XKR6: variants seen among roughly 807,000 people sequenced by gnomAD.
XKR6 encodes the protein XK related 6.
XKR6 carries 22 observed loss-of-function variants against 56.7 expected under a neutral mutation model. The ratio of observed to expected loss-of-function variants is 0.39; its 90% confidence interval spans 0.28 to 0.55. The LOEUF (loss-of-function observed/expected upper bound fraction) is 0.55, where lower values mean the gene tolerates loss of function less well. XKR6 is among the 20% of genes least tolerant of loss of function. The probability of loss-of-function intolerance (pLI) is 0.66; values close to 1 mark genes in which losing one functional copy is unlikely to be tolerated. For missense variants in XKR6, 852 were observed against 889.0 expected (o/e 0.96, Z 0.53); for synonymous variants, 524 against 387.8 (o/e 1.35, Z -4.13).
chr8:10,977,159 A>G (rs1318142542), intron 1 of XKR6, among the ~76,000 whole-genome samples: 1 of 151,780 alleles, frequency 6.6e-6, no homozygotes, highest in Non-Finnish European at 1.5e-5. Flanking sequence ...CAGCCTCAAG[A>G]CCTCCCCAGG....
intron 1 of XKR6, among the ~76,000 whole-genome samples, chr8:11,146,757 G>C (rs531938473): frequency 1.4e-4 from 22 of 152,118 alleles, no homozygotes; most frequent in African/African-American, 5.3e-4. Context: ...TAAAGAAAGT[G>C]TGGTAAACAC....
intron 2 of XKR6, among the ~76,000 whole-genome samples, chr8:10,916,105 C>G (rs1056937137): frequency 1.6e-4 from 24 of 152,242 alleles, no homozygotes; most frequent in African/African-American, 5.3e-4. Flanking sequence ...AGGAGGGGCT[C>G]TGCTCAATTT....
At chr8:11,044,872 C>G (rs529942449) in intron 1 of XKR6, among the ~76,000 whole-genome samples, 1 of 151,898 alleles carries the variant, frequency 6.6e-6, no homozygotes, top group African/African-American at 2.4e-5. Flanking sequence ...CCCAACTCGG[C>G]CTCCCAAAGT....
At chr8:11,199,517 T>C (rs1804078697) in intron 1 of XKR6, among the ~76,000 whole-genome samples, 1 of 152,320 alleles carries the variant, frequency 6.6e-6, no homozygotes, top group South Asian at 2.1e-4. Flanking sequence ...TTGAAGAGCT[T>C]GTCCCTGTGT....
chr8:11,031,528 A>C (rs1798992922), intron 1 of XKR6, among the ~76,000 whole-genome samples: 1 of 152,208 alleles, frequency 6.6e-6, no homozygotes, highest in African/African-American at 2.4e-5. Context: ...GGCCATGAGA[A>C]TAGAACAGTA....
chr8:11,118,826 T>G (rs1799303511), intron 1 of XKR6, among the ~76,000 whole-genome samples: 1 of 152,232 alleles, frequency 6.6e-6, no homozygotes, highest in Non-Finnish European at 1.5e-5. Flanking sequence ...TGCCCTGATC[T>G]TAGTTATTTC....
intron 1 of XKR6, among the ~76,000 whole-genome samples, chr8:10,962,000 T>A (rs1423622979): frequency 6.6e-6 from 1 of 152,188 alleles, no homozygotes; most frequent in South Asian, 2.1e-4. Flanking sequence ...ATCCCTTTTA[T>A]TTGGGGGAAG....
At chr8:11,150,695 A>C (rs1354503977) in intron 1 of XKR6, among the ~76,000 whole-genome samples, 3 of 151,958 alleles carry the variant, frequency 2.0e-5, no homozygotes, top group Non-Finnish European at 2.9e-5. Flanking sequence ...TCTACTAAAA[A>C]TACAAAAATT....
chr8:11,121,103 A>T (rs1799431268), intron 1 of XKR6, among the ~76,000 whole-genome samples: 1 of 152,200 alleles, frequency 6.6e-6, no homozygotes, highest in Non-Finnish European at 1.5e-5. Context: ...AACCTAGGCA[A>T]TACCACTCAG....
chr8:10,932,467 C>G (rs893068998), intron 1 of XKR6, among the ~76,000 whole-genome samples: 1 of 147,806 alleles, frequency 6.8e-6, no homozygotes, highest in Admixed American at 6.7e-5. Flanking sequence ...GGTACATGTG[C>G]ACATCGTGCA....
intron 1 of XKR6, among the ~76,000 whole-genome samples, chr8:11,013,612 G>C (rs369917003): frequency 2.6e-5 from 4 of 152,150 alleles, no homozygotes; most frequent in African/African-American, 9.7e-5. Flanking sequence ...GCAGTGCCTA[G>C]ATCTGGCCCC....
chr8:10,955,419 GATCCCCCC>G (rs2129128369), intron 1 of XKR6, among the ~76,000 whole-genome samples: 1 of 152,134 alleles, frequency 6.6e-6, no homozygotes, highest in African/African-American at 2.4e-5. Context: ...GGGCTCTTGT[GATCCCCCC>G]ATGTAGGCCT....
intron 1 of XKR6, among the ~76,000 whole-genome samples, chr8:11,197,375 A>G (rs76298249): frequency 1.9e-3 from 291 of 152,358 alleles, no homozygotes; most frequent in African/African-American, 6.8e-3. Context: ...AAAGGACAAT[A>G]GCAGAAAGGA....
chr8:10,966,105 G>A (rs1802214638), intron 1 of XKR6, among the ~76,000 whole-genome samples: 1 of 151,968 alleles, frequency 6.6e-6, no homozygotes, highest in Non-Finnish European at 1.5e-5. Flanking sequence ...CACAGCAACC[G>A]TGCCAGGTGC....
chr8:11,197,464 C>A lies in XKR6; in HGVS notation c.764+3112G>T, dbSNP rs901008951. ...CAAACCCTCCAAGAAAATGCTCTCA[C>A]TCTCTATTAACAACACATTGTACAA... On this transcript the variant is annotated intron_variant, in intron 1 of 2. Coordinates refer to ENST00000416569, the MANE Select transcript of XKR6 (RefSeq NM_173683.4). Among the ~76,000 whole-genome samples, 17 of 152,344 alleles carry A rather than the reference C, an allele frequency of 1.1e-4. No individual in the cohort carries two copies. The East Asian group carries it at 2.9e-3, about 26-fold the overall frequency.
intron 1 of XKR6, among the ~76,000 whole-genome samples, chr8:10,995,350 C>CAT (rs780661074): frequency 3.2e-4 from 48 of 147,976 alleles, no homozygotes; most frequent in African/African-American, 6.9e-4. Flanking sequence ...CCCTATATCA[C>CAT]ATATATATAT....
chr8:10,916,699 T>C (rs950817767), intron 2 of XKR6, among the ~76,000 whole-genome samples: 3 of 152,186 alleles, frequency 2.0e-5, no homozygotes, highest in Non-Finnish European at 4.4e-5. Flanking sequence ...GGGATGCTTT[T>C]CATCCTCACC....
intron 1 of XKR6, among the ~76,000 whole-genome samples, chr8:10,962,638 GTTTTTGA>G (rs1802098231): frequency 6.7e-6 from 1 of 149,618 alleles, no homozygotes; most frequent in Non-Finnish European, 1.5e-5. Flanking sequence ...GTTTTTTTTT[GTTTTTGA>G]GACAGAGTCT....
chr8:11,012,143 G>A (rs1798514422), intron 1 of XKR6, among the ~76,000 whole-genome samples: 1 of 152,114 alleles, frequency 6.6e-6, no homozygotes. Context: ...TGTGCCCAGG[G>A]CCAGCACTGC....
Sources: gnomAD v4.1 joint callset for allele counts (sites outside exome capture counted in the v4.1 genomes callset) on GRCh38, gnomAD v4.1.1 for gene constraint, MANE v1.5 for transcripts, NCBI Gene and HGNC (gene_info 2026-07-23, HGNC 2026-07-21) for gene names.